Variants in CCDC73 observed in about 807,000 individuals in gnomAD.
CCDC73 encodes the protein coiled-coil domain containing 73, also known as coiled-coil domain-containing protein 73.
CCDC73 carries 95 observed loss-of-function variants against 116.5 expected under a neutral mutation model. The observed-to-expected ratio is 0.82, with a 90% CI of 0.69 to 0.97. The LOEUF (loss-of-function observed/expected upper bound fraction) is 0.97, where lower values mean the gene tolerates loss of function less well. CCDC73 is among the 50% of genes least tolerant of loss of function. CCDC73 has a pLI of 0.00. For synonymous variants in CCDC73, 398 were observed against 401.3 expected, an observed-to-expected ratio of 0.99 and a Z score of 0.10; for missense variants, 1,066 against 1,206.8, an observed-to-expected ratio of 0.88 and a Z score of 1.73.
At chr11:32,742,148 A>G (rs1850193542) in intron 2 of CCDC73, among the ~76,000 whole-genome samples, 1 of 152,182 alleles carries the variant, frequency 6.6e-6, no homozygotes, top group African/African-American at 2.4e-5. Context: ...CAGCAGCATG[A>G]TTTATAATCC....
the CCDC73 span, chr11:32,830,271 C>T: frequency 1.0e-6 from 1 of 979,240 alleles, no homozygotes; most frequent in East Asian, 3.6e-5. Context: ...GCGAGGGTTG[C>T]CCGCGGCGAC....
At chr11:32,604,243 C>T (rs1422546026) in intron 17 of CCDC73, 1 of 152,274 alleles carries the variant, frequency 6.6e-6, no homozygotes, top group African/African-American at 2.4e-5. Context: ...CCCACCTTCA[C>T]CTCCTGAGTA....
intron 6 of CCDC73, among the ~76,000 whole-genome samples, chr11:32,694,860 G>A (rs1856294557): frequency 6.6e-6 from 1 of 152,140 alleles, no homozygotes. Context: ...CTAAGGCCAT[G>A]ACTGGATTTA....
chr11:32,684,350 A>G (rs1856174875), intron 6 of CCDC73, among the ~76,000 whole-genome samples: 1 of 152,020 alleles, frequency 6.6e-6, no homozygotes, highest in Admixed American at 6.6e-5. Flanking sequence ...ACCATGCCCC[A>G]CTCTACCAGG....
At chr11:32,622,600 C>T (rs568264926) in intron 14 of CCDC73, among the ~76,000 whole-genome samples, 1 of 150,794 alleles carries the variant, frequency 6.6e-6, no homozygotes, top group African/African-American at 2.4e-5. Flanking sequence ...TGCAGCAAAC[C>T]ACCATGGCAC....
intron 6 of CCDC73, among the ~76,000 whole-genome samples, chr11:32,695,487 G>A (rs975544906): frequency 3.9e-5 from 6 of 152,202 alleles, no homozygotes; most frequent in Admixed American, 1.3e-4. Context: ...TTTAACATTT[G>A]GTGCTCTGTG....
At chr11:32,783,260 G>C (rs1447202669) in intron 1 of CCDC73, among the ~76,000 whole-genome samples, 2 of 152,100 alleles carry the variant, frequency 1.3e-5, no homozygotes, top group African/African-American at 2.4e-5. Flanking sequence ...CAGTTTAAAG[G>C]GAAAATGATT....
At chr11:32,693,777 C>T (rs1053121882) in intron 6 of CCDC73, among the ~76,000 whole-genome samples, 23 of 152,180 alleles carry the variant, frequency 1.5e-4, no homozygotes, top group African/African-American at 5.6e-4. Flanking sequence ...AATCAATAAA[C>T]GTAATCCATC....
At chr11:32,736,691 G>T (rs572613165) in intron 2 of CCDC73, among the ~76,000 whole-genome samples, 2,044 of 151,750 alleles carry the variant, frequency 0.013, 50 homozygotes, top group African/African-American at 0.047. Context: ...AAATCATGCT[G>T]CTGTAAAGAC....
At chr11:32,612,627 C>T (rs1321560226) in intron 16 of CCDC73, among the ~76,000 whole-genome samples, 1 of 151,826 alleles carries the variant, frequency 6.6e-6, no homozygotes, top group Non-Finnish European at 1.5e-5. Flanking sequence ...CTCCCAGCTG[C>T]TCAGGAGGCT....
Position 32,655,056 on chromosome 11 carries a change from T to C in CCDC73, c.646-84A>G, listed in dbSNP as rs555704237. ...ACTTTCCTGACAGTTTCAAAGTTCA[T>C]CCTTAAGCCTATAATTATAATTTGT... is the stretch of plus-strand genomic sequence containing the variant. On this transcript the variant is annotated intron_variant, in intron 9 of 17. Transcript: ENST00000335185. The C allele has an allele frequency of 1.4e-4, 59 of 418,812 alleles. No individual in the cohort carries two copies. The South Asian group carries it at 2.2e-3, about 15-fold the overall frequency. The allele number at this position is 418,812 out of a possible 1,614,324, so 25.9% of individuals were successfully genotyped here.
chr11:32,644,351 A>C (rs1855758529), intron 12 of CCDC73, among the ~76,000 whole-genome samples: 2 of 152,162 alleles, frequency 1.3e-5, no homozygotes, highest in Non-Finnish European at 2.9e-5. Flanking sequence ...AGGGAGATCA[A>C]AAAACTACCA....
chr11:32,655,468 CA>C, intron 9 of CCDC73, among the ~76,000 whole-genome samples: 1 of 152,106 alleles, frequency 6.6e-6, no homozygotes, highest in East Asian at 1.9e-4. Flanking sequence ...GATCAATTTG[CA>C]AAGAAGACAA....
intron 1 of CCDC73, 25 bp from the exon 2 acceptor site, chr11:32,760,283 G>GA (rs11442361): frequency 0.56 from 680,170 of 1,225,304 alleles, 193,778 homozygotes; most frequent in East Asian, 0.85. Context: ...GGTCTTAACT[G>GA]AAAAAAAATT....
At chr11:32,749,333 C>T (rs1850266765) in intron 2 of CCDC73, among the ~76,000 whole-genome samples, 1 of 151,886 alleles carries the variant, frequency 6.6e-6, no homozygotes, top group African/African-American at 2.4e-5. Context: ...TTCAGTATGT[C>T]AATTGCATTT....
intron 2 of CCDC73, 95 bp downstream of exon 2, chr11:32,760,014 G>T: frequency 1.0e-6 from 1 of 980,264 alleles, no homozygotes; most frequent in Non-Finnish European, 1.6e-6. Context: ...TTCTAAACAA[G>T]AGGGATTTTT....
chr11:32,764,849 G>C (rs901021310), intron 1 of CCDC73, among the ~76,000 whole-genome samples: 8 of 152,166 alleles, frequency 5.3e-5, no homozygotes, highest in Admixed American at 2.6e-4. Flanking sequence ...ACCCATCAGT[G>C]TGCAGTATTC....
chr11:32,726,746 T>G (rs1268720397), intron 2 of CCDC73, among the ~76,000 whole-genome samples: 1 of 152,144 alleles, frequency 6.6e-6, no homozygotes, highest in Admixed American at 6.5e-5. Flanking sequence ...TGGACTATAT[T>G]ATGTGATACA....
intron 12 of CCDC73, among the ~76,000 whole-genome samples, chr11:32,649,927 T>C (rs1350986606): frequency 6.6e-6 from 1 of 152,212 alleles, no homozygotes; most frequent in Admixed American, 6.5e-5. Context: ...TTTAGTTTTA[T>C]AAAATCTAGC....
Sources: allele counts gnomAD v4.1 joint callset (sites outside exome capture counted in the v4.1 genomes callset), GRCh38; gene constraint gnomAD v4.1.1; transcripts MANE v1.5; gene names NCBI Gene and HGNC (gene_info 2026-07-23, HGNC 2026-07-21).